PCCA: variants seen among roughly 807,000 people sequenced by gnomAD.
PCCA encodes the protein propionyl-CoA carboxylase subunit alpha, also known as propionyl-CoA carboxylase alpha chain, mitochondrial.
In PCCA, 74 loss-of-function variants were observed where a neutral mutation model predicts 101.3. The observed-to-expected ratio is 0.73, with a 90% CI of 0.61 to 0.89. The LOEUF is 0.89. Among genes scored for constraint, PCCA ranks in the 40% least tolerant of loss-of-function variants. The probability of loss-of-function intolerance (pLI) is 0.00; values close to 1 mark genes in which losing one functional copy is unlikely to be tolerated. For missense variants in PCCA, 891 were observed against 907.0 expected (o/e 0.98, Z 0.23); for synonymous variants, 294 against 313.6 (o/e 0.94, Z 0.66).
At chr13:100,373,540 G>T (rs1233243239) in intron 19 of PCCA, among the ~76,000 whole-genome samples, 3 of 152,182 alleles carry the variant, frequency 2.0e-5, no homozygotes, top group African/African-American at 4.8e-5. Flanking sequence ...GAGGTACCTG[G>T]AGTAGTCAGA....
chr13:100,180,925 C>G (rs1321607854), intron 6 of PCCA, among the ~76,000 whole-genome samples: 1 of 152,186 alleles, frequency 6.6e-6, no homozygotes, highest in East Asian at 1.9e-4. Flanking sequence ...TTAATCAAGG[C>G]TTAAGCCATT....
intron 21 of PCCA, among the ~76,000 whole-genome samples, chr13:100,466,585 A>G (rs1196027676): frequency 6.6e-6 from 1 of 152,158 alleles, no homozygotes; most frequent in Non-Finnish European, 1.5e-5. Context: ...TAGAATCTCT[A>G]CCTGATTTAG....
At chr13:100,293,208 T>C (rs2065269232) in intron 12 of PCCA, 2 of 471,126 alleles carry the variant, frequency 4.2e-6, no homozygotes, top group Non-Finnish European at 8.8e-6. Context: ...TTGCTTATGT[T>C]GATTGGTACA....
At position 100,460,921 on chromosome 13, in the gene PCCA, C is replaced by T. The variant is rs149910626; in HGVS notation, c.1899+11616C>T. Among the ~76,000 whole-genome samples the T allele has an allele frequency of 4.1e-3, 629 of 152,270 alleles. 1 individual carries two copies. Among genetic ancestry groups the T allele is most frequent in the Non-Finnish European group, 6.7e-3 (453 of 68,020 alleles). ...TAAATATGTGACCCTTACCTAGCTT[C>T]TAAATGGATGCTGTGCTGATAGATT... On this transcript the variant is annotated intron_variant, in intron 21 of 23. Transcript: ENST00000376285.
intron 8 of PCCA, among the ~76,000 whole-genome samples, chr13:100,249,022 G>A (rs2061610727): frequency 1.3e-5 from 2 of 152,078 alleles, no homozygotes; most frequent in Non-Finnish European, 2.9e-5. Context: ...CCAAAGTGCT[G>A]GGATTACAGG....
At chr13:100,513,541 A>G (rs1161823568) in intron 21 of PCCA, among the ~76,000 whole-genome samples, 3 of 152,224 alleles carry the variant, frequency 2.0e-5, no homozygotes, top group African/African-American at 4.8e-5. Flanking sequence ...GTTCGTCAGA[A>G]TCTTGTAATT....
chr13:100,313,022 T>A (rs1331660437), intron 16 of PCCA, among the ~76,000 whole-genome samples: 1 of 152,238 alleles, frequency 6.6e-6, no homozygotes, highest in East Asian at 1.9e-4. Flanking sequence ...TGAATAGTAC[T>A]GTGCATGCCT....
At chr13:100,227,215 G>A (rs1046273777) in intron 7 of PCCA, among the ~76,000 whole-genome samples, 1 of 151,994 alleles carries the variant, frequency 6.6e-6, no homozygotes, top group Non-Finnish European at 1.5e-5. Flanking sequence ...GACCTCAGGT[G>A]ATCCGCCTGC....
At chr13:100,285,208 G>A (rs553912372) in intron 12 of PCCA, among the ~76,000 whole-genome samples, 7 of 152,272 alleles carry the variant, frequency 4.6e-5, no homozygotes, top group Admixed American at 2.0e-4. Context: ...CGGATACAGC[G>A]AGATAGCCAG....
intron 4 of PCCA, among the ~76,000 whole-genome samples, chr13:100,139,749 G>T (rs994546010): frequency 1.3e-5 from 2 of 152,014 alleles, no homozygotes; most frequent in African/African-American, 4.8e-5. Context: ...TTCCTTCCCT[G>T]TAAGAGATTT....
In PCCA at chr13:100,132,210, TG is replaced by T. The variant is rs1403893339; in HGVS notation, c.300+20151del. On this transcript the variant is annotated intron_variant, in intron 4 of 23. Coordinates refer to ENST00000376285, the MANE Select transcript of PCCA (RefSeq NM_000282.4). Reference sequence around the variant, plus strand: ...GATACCCATCTTTCATACCCTTCTGTGGATATCAGCACATGTGTAGATTATG... The same window carrying T: ...GATACCCATCTTTCATACCCTTCTGTGATATCAGCACATGTGTAGATTATG... Among the ~76,000 whole-genome samples the T allele has an allele frequency of 3.1e-5, 4 of 129,338 alleles. No individual in the cohort carries two copies. In the East Asian group the frequency reaches 7.7e-4, roughly 25 times the overall value. 84.9% of individuals were successfully genotyped at this position (129,338 alleles called of 152,430 possible).
chr13:100,297,381 A>G (rs930296510), intron 12 of PCCA, among the ~76,000 whole-genome samples: 1 of 152,188 alleles, frequency 6.6e-6, no homozygotes, highest in Non-Finnish European at 1.5e-5. Flanking sequence ...GTCAGAGTTT[A>G]TTATTATAAT....
At chr13:100,286,598 C>G (rs1251041502) in intron 12 of PCCA, among the ~76,000 whole-genome samples, 4 of 152,156 alleles carry the variant, frequency 2.6e-5, no homozygotes, top group African/African-American at 9.7e-5. Flanking sequence ...AAATTTAGAA[C>G]TCATATCTAA....
intron 8 of PCCA, among the ~76,000 whole-genome samples, chr13:100,248,629 T>C (rs960197029): frequency 2.0e-5 from 3 of 152,246 alleles, no homozygotes; most frequent in African/African-American, 7.2e-5. Flanking sequence ...CTTTTGTTAA[T>C]TTTTCAATTG....
intron 22 of PCCA, among the ~76,000 whole-genome samples, chr13:100,524,674 C>T (rs1481980940): frequency 6.6e-6 from 1 of 152,144 alleles, no homozygotes; most frequent in African/African-American, 2.4e-5. Flanking sequence ...GAGTTTGAGA[C>T]CAGCCTGGCC....
At chr13:100,404,815 T>C (rs1382617465) in intron 19 of PCCA, among the ~76,000 whole-genome samples, 1 of 152,192 alleles carries the variant, frequency 6.6e-6, no homozygotes, top group Non-Finnish European at 1.5e-5. Context: ...CTGTATGCCA[T>C]GGATACTAAT....
intron 18 of PCCA, among the ~76,000 whole-genome samples, chr13:100,366,086 G>A (rs7997808): frequency 1.3e-5 from 2 of 152,130 alleles, no homozygotes; most frequent in Non-Finnish European, 2.9e-5. Flanking sequence ...GGTAGAAAAC[G>A]ATCAAATGAT....
intron 18 of PCCA, among the ~76,000 whole-genome samples, chr13:100,361,932 G>A (rs7326580): frequency 0.71 from 108,449 of 152,038 alleles, 39,071 homozygotes; most frequent in Middle Eastern, 0.81. Context: ...GGGGGAAAAA[G>A]CAATCAAGTA....
chr13:100,232,130 A>G (rs749615739), intron 7 of PCCA, among the ~76,000 whole-genome samples: 11 of 152,092 alleles, frequency 7.2e-5, no homozygotes, highest in Admixed American at 3.9e-4. Flanking sequence ...CAAATCCCAT[A>G]AGATCTGGCC....
Sources: allele counts gnomAD v4.1 joint callset (sites outside exome capture counted in the v4.1 genomes callset), GRCh38; gene constraint gnomAD v4.1.1; transcripts MANE v1.5; gene names NCBI Gene and HGNC (gene_info 2026-07-23, HGNC 2026-07-21).